NFIA: variants seen among roughly 807,000 people sequenced by gnomAD.
NFIA encodes the protein nuclear factor 1 A-type.
NFIA carries 8 observed loss-of-function variants against 62.8 expected under a neutral mutation model. That is an observed-to-expected ratio of 0.13 (90% CI 0.07 to 0.23). NFIA has a LOEUF of 0.23. NFIA is among the 10% of genes least tolerant of loss of function. NFIA has a pLI of 1.00. For missense variants in NFIA, 410 were observed against 642.1 expected, an observed-to-expected ratio of 0.64 and a Z score of 3.91; for synonymous variants, 235 against 238.1, an observed-to-expected ratio of 0.99 and a Z score of 0.12.
intron 2 of NFIA, among the ~76,000 whole-genome samples, chr1:61,266,970 G>GGTAT (rs1226130152): frequency 1.3e-5 from 2 of 152,178 alleles, no homozygotes; most frequent in African/African-American, 4.8e-5. Flanking sequence ...GAATGAGTCA[G>GGTAT]TTGAGGTTCA....
intron 3 of NFIA, among the ~76,000 whole-genome samples, chr1:61,292,948 C>T (rs1658981434): frequency 6.6e-6 from 1 of 152,138 alleles, no homozygotes; most frequent in South Asian, 2.1e-4. Context: ...TTTCCATGTC[C>T]TGTGCCCGTA....
intron 2 of NFIA, among the ~76,000 whole-genome samples, chr1:61,263,600 G>A (rs184127504): frequency 2.8e-3 from 429 of 152,258 alleles, no homozygotes; most frequent in Non-Finnish European, 5.0e-3. Context: ...CCTATTCATA[G>A]GAATATTTAC....
At chr1:61,333,672 A>C (rs1661427728) in intron 4 of NFIA, among the ~76,000 whole-genome samples, 1 of 152,160 alleles carries the variant, frequency 6.6e-6, no homozygotes, top group Non-Finnish European at 1.5e-5. Flanking sequence ...AGATGAGTTA[A>C]ATTGAGGGTC....
chr1:61,119,350 C>G (rs1193778005), intron 2 of NFIA, among the ~76,000 whole-genome samples: 1 of 152,108 alleles, frequency 6.6e-6, no homozygotes, highest in African/African-American at 2.4e-5. Context: ...TGAGGTAATT[C>G]AGTTACTCAG....
At chr1:61,322,028 T>A (rs184319994) in intron 3 of NFIA, among the ~76,000 whole-genome samples, 109 of 152,238 alleles carry the variant, frequency 7.2e-4, no homozygotes, top group Middle Eastern at 6.8e-3. Context: ...AAATCATGGA[T>A]TAAAATGGGA....
At chr1:61,363,013 A>G (rs1486087963) in intron 6 of NFIA, among the ~76,000 whole-genome samples, 1 of 152,330 alleles carries the variant, frequency 6.6e-6, no homozygotes, top group East Asian at 1.9e-4. Context: ...AAATATATGG[A>G]AAAATTCTAG....
chr1:61,365,789 G>A (rs1272567634), intron 6 of NFIA, among the ~76,000 whole-genome samples: 2 of 152,170 alleles, frequency 1.3e-5, no homozygotes, highest in Non-Finnish European at 2.9e-5. Context: ...CTGTCACAAA[G>A]TTATGACAGA....
chr1:61,432,624 C>CACACATATAT lies in NFIA; in HGVS notation c.1512+6068_1512+6069insACACATATAT, dbSNP rs1557434287. On this transcript the variant is annotated intron_variant, in intron 10 of 10. Transcript: ENST00000403491. ...ATATATATATATACACACACACACACGTACACACATATATATACACATATA... is the reference window on the plus strand; with the variant it reads ...ATATATATATATACACACACACACACACACATATATGTACACACATATATATACACATATA... 5.3e-4 allele frequency among the ~76,000 whole-genome samples: 19 copies of CACACATATAT among 35,652 alleles called. No individual in the cohort carries two copies. The East Asian group carries it at 0.017, about 32-fold the overall frequency. 23.4% of individuals were successfully genotyped at this position (35,652 alleles called of 152,430 possible). A position where few individuals can be genotyped will look rare whatever the true frequency, so the allele number is the denominator to read the frequency against.
At chr1:61,273,145 C>CA (rs1327838692) in intron 2 of NFIA, among the ~76,000 whole-genome samples, 2 of 152,150 alleles carry the variant, frequency 1.3e-5, no homozygotes, top group African/African-American at 4.8e-5. Context: ...TTTCCTTTAT[C>CA]AAGAAATTCA....
chr1:61,354,823 C>T (rs998670784), intron 5 of NFIA, among the ~76,000 whole-genome samples: 1 of 152,160 alleles, frequency 6.6e-6, no homozygotes, highest in Non-Finnish European at 1.5e-5. Context: ...TGCAGCCTCC[C>T]CATCTAGACA....
intron 2 of NFIA, among the ~76,000 whole-genome samples, chr1:61,219,675 T>C (rs1313661912): frequency 5.0e-5 from 7 of 141,138 alleles, no homozygotes; most frequent in South Asian, 2.2e-4. Flanking sequence ...GATCGCGCCA[T>C]TGCCCTCCAT....
intron 2 of NFIA, among the ~76,000 whole-genome samples, chr1:61,255,844 A>G (rs1165004014): frequency 6.6e-6 from 1 of 152,210 alleles, no homozygotes; most frequent in Non-Finnish European, 1.5e-5. Flanking sequence ...AAACTTCGGT[A>G]CTTTGTTGTA....
rs17122082 is a variant in NFIA at position 61,385,354 on chromosome 1, G to A, written c.1075+1989G>A. On this transcript the variant is annotated intron_variant, in intron 7 of 10. Coordinates refer to ENST00000403491, the MANE Select transcript of NFIA (RefSeq NM_001134673.4). ...GATTTGTGGTGTAGTAAGTTAGTAAGAACTGAGAAGAACAGTATGCCAGCA... is the reference window on the plus strand; with the variant it reads ...GATTTGTGGTGTAGTAAGTTAGTAAAAACTGAGAAGAACAGTATGCCAGCA... Among the ~76,000 whole-genome samples the A allele has an allele frequency of 4.1e-3, 632 of 152,324 alleles. 9 individuals are homozygous for A. Among genetic ancestry groups the A allele is most frequent in the East Asian group, 0.036 (187 of 5,188 alleles).
chr1:61,395,749 A>T (rs1182852633), intron 7 of NFIA, among the ~76,000 whole-genome samples: 1 of 152,192 alleles, frequency 6.6e-6, no homozygotes, highest in Non-Finnish European at 1.5e-5. Flanking sequence ...TTTTGATTCA[A>T]AGAGGCCCTG....
Position 61,088,717 on chromosome 1 carries a change from T to G in NFIA, c.559+37T>G. The G allele has an allele frequency of 3.2e-6, 5 of 1,578,686 alleles. No homozygotes were observed. The highest frequency in any genetic ancestry group is 3.4e-6 in the Non-Finnish European group (4 of 1,163,628). ...GGTGAGAATTCCTCCCACTTTCTTG[T>G]GTGTGTTTCTTTCCTGATGGCCTCC... On this transcript the variant is annotated intron_variant, in intron 2 of 10. Transcript: ENST00000403491. This position sits in a 1 kb window ranked among gnomAD's most constrained non-coding sequence, Gnocchi z 4.5.
intron 10 of NFIA, among the ~76,000 whole-genome samples, chr1:61,428,137 T>C (rs1294733705): frequency 6.6e-6 from 1 of 152,212 alleles, no homozygotes; most frequent in Non-Finnish European, 1.5e-5. Context: ...GTATTTTACA[T>C]AGTATTTTTT....
At chr1:61,441,292 G>GGTGTGTGTGTGTGTGTGTGTGTGTGTGT (rs763246425) in intron 10 of NFIA, among the ~76,000 whole-genome samples, 1 of 139,370 alleles carries the variant, frequency 7.2e-6, no homozygotes, top group African/African-American at 2.7e-5. Context: ...GCCGTGCAGG[G>GGTGTGTGTGTGTGTGTGTGTGTGTGTGT]GTGTGTGTGT....
intron 7 of NFIA, among the ~76,000 whole-genome samples, chr1:61,389,807 C>T (rs961542315): frequency 6.6e-6 from 1 of 151,824 alleles, no homozygotes; most frequent in Non-Finnish European, 1.5e-5. Context: ...TCCATAAGTC[C>T]TTGCTACTGG....
intron 3 of NFIA, among the ~76,000 whole-genome samples, chr1:61,287,663 C>A (rs935274580): frequency 6.6e-6 from 1 of 151,716 alleles, no homozygotes; most frequent in Admixed American, 6.6e-5. Context: ...CCAACCCCCC[C>A]CAAAAAAAAC....
Sources: allele counts gnomAD v4.1 joint callset (sites outside exome capture counted in the v4.1 genomes callset), GRCh38; gene constraint gnomAD v4.1.1; non-coding constraint Gnocchi (gnomAD v3.1); transcripts MANE v1.5; gene names NCBI Gene and HGNC (gene_info 2026-07-23, HGNC 2026-07-21).